GC: variants seen among roughly 807,000 people sequenced by gnomAD.
GC encodes vitamin D-binding protein.
In GC, 43 loss-of-function variants were observed where a neutral mutation model predicts 56.7. The ratio of observed to expected loss-of-function variants is 0.76; its 90% CI spans 0.59 to 0.98. The LOEUF (loss-of-function observed/expected upper bound fraction) is 0.98, where lower values mean the gene tolerates loss of function less well. Among genes scored for constraint, GC ranks in the 50% least tolerant of loss-of-function variants. The probability of loss-of-function intolerance (pLI) is 0.00; values close to 1 mark genes in which losing one functional copy is unlikely to be tolerated. For missense variants in GC, 529 were observed against 545.9 expected, an observed-to-expected ratio of 0.97 and a Z score of 0.31; for synonymous variants, 216 against 202.7, an observed-to-expected ratio of 1.07 and a Z score of -0.56.
upstream of GC, among the ~76,000 whole-genome samples, chr4:71,786,520 A>G (rs1227059096): frequency 6.6e-6 from 1 of 151,888 alleles, no homozygotes; most frequent in Non-Finnish European, 1.5e-5. Flanking sequence ...CATAAGCAGT[A>G]GAATTTTGCA....
chr4:71,789,272 T>A (rs1184401220), intron 1 of GC, among the ~76,000 whole-genome samples: 1 of 151,950 alleles, frequency 6.6e-6, no homozygotes, highest in Non-Finnish European at 1.5e-5. Flanking sequence ...TGTACATATA[T>A]ACATTTAGAT....
At chr4:71,764,068 A>C in intron 4 of GC, 132 bp from the exon 5 acceptor site, 1 of 661,050 alleles carries the variant, frequency 1.5e-6, no homozygotes, top group Non-Finnish European at 2.6e-6. Flanking sequence ...TGCAGTCTCA[A>C]CCTCCTGGCC....
intron 3 of GC, among the ~76,000 whole-genome samples, chr4:71,766,182 C>A (rs222011): frequency 0.091 from 13,795 of 152,180 alleles, 697 homozygotes; most frequent in Non-Finnish European, 0.1. Flanking sequence ...CCTAATGATT[C>A]TTGAACCGGC....
intron 1 of GC, among the ~76,000 whole-genome samples, chr4:71,777,158 T>C (rs1284558274): frequency 1.3e-5 from 2 of 151,846 alleles, no homozygotes; most frequent in Admixed American, 1.3e-4. Flanking sequence ...AGTGATGTGT[T>C]AGCAAGAATT....
intron 1 of GC, among the ~76,000 whole-genome samples, chr4:71,776,091 G>A (rs1742501154): frequency 1.3e-5 from 2 of 151,910 alleles, no homozygotes. Context: ...AAAACAGTAT[G>A]GATGTTTCTC....
At position 71,763,515 on chromosome 4, in the gene GC, T is replaced by G; in HGVS notation, c.607-13A>C. On this transcript the variant is annotated splice_polypyrimidine_tract_variant and intron_variant, in intron 5 of 12. Coordinates refer to ENST00000273951, the MANE Select transcript of GC (RefSeq NM_000583.4). ...TAAGCTGGAGTCTCTAGAAAACAAG[T>G]GAAAGAATCTCATTATATGGTCAAG... 6.9e-7 allele frequency: 1 copy of G among 1,452,144 alleles called. No individual in the cohort carries two copies. The highest frequency in any genetic ancestry group is 9.7e-7 in the Non-Finnish European group (1 of 1,034,422). The allele number at this position is 1,452,144 out of a possible 1,614,324, so 90.0% of individuals were successfully genotyped here.
chr4:71,784,088 G>A (rs1426047738), upstream of GC: 1 of 1,545,530 alleles, frequency 6.5e-7, no homozygotes, highest in Admixed American at 2.1e-5. Context: ...GTAGCCAAAA[G>A]TAATTGGTTT....
chr4:71,801,278 C>T (rs982850969), intron 1 of GC, among the ~76,000 whole-genome samples: 5 of 152,116 alleles, frequency 3.3e-5, no homozygotes, highest in Admixed American at 1.3e-4. Flanking sequence ...AATGAAATAT[C>T]GCTTTACACC....
chr4:71,784,137 A>G, upstream of GC: 3 of 1,429,842 alleles, frequency 2.1e-6, no homozygotes, highest in Non-Finnish European at 2.8e-6. Flanking sequence ...TTAATCAATT[A>G]TTAATCTCAG....
chr4:71,744,019 G>C (rs1198259949), intron 12 of GC, among the ~76,000 whole-genome samples: 1 of 152,130 alleles, frequency 6.6e-6, no homozygotes, highest in African/African-American at 2.4e-5. Flanking sequence ...CAGGAGAAAT[G>C]ATAAGAAATT....
chr4:71,779,142 A>G (rs1322225952), intron 1 of GC, among the ~76,000 whole-genome samples: 2 of 151,788 alleles, frequency 1.3e-5, no homozygotes, highest in Admixed American at 6.6e-5. Flanking sequence ...ATATTACACA[A>G]TAATTTTTTG....
chr4:71,763,099 T>C (rs1742037799), intron 6 of GC, among the ~76,000 whole-genome samples: 1 of 152,236 alleles, frequency 6.6e-6, no homozygotes, highest in Non-Finnish European at 1.5e-5. Flanking sequence ...GTTTTTGTTC[T>C]TGTTTTGCTT....
chr4:71,751,304 TAACA>T (rs1741547554), intron 11 of GC, among the ~76,000 whole-genome samples: 1 of 152,160 alleles, frequency 6.6e-6, no homozygotes, highest in Non-Finnish European at 1.5e-5. Flanking sequence ...TCAGGTCTAC[TAACA>T]ATGGGCCCAC....
At chr4:71,780,785 T>C (rs1208479133) in intron 1 of GC, among the ~76,000 whole-genome samples, 3 of 152,170 alleles carry the variant, frequency 2.0e-5, no homozygotes, top group Non-Finnish European at 4.4e-5. Flanking sequence ...ACACTGTTGG[T>C]GGGACTGTAA....
chr4:71,764,585 T>A (rs1319214888), intron 4 of GC, among the ~76,000 whole-genome samples: 2 of 152,164 alleles, frequency 1.3e-5, no homozygotes, highest in Non-Finnish European at 2.9e-5. Context: ...TAGATTAATT[T>A]TTCATTATCT....
chr4:71,761,624 G>A (rs960985118), intron 6 of GC, among the ~76,000 whole-genome samples: 1 of 152,156 alleles, frequency 6.6e-6, no homozygotes, highest in Non-Finnish European at 1.5e-5. Context: ...TGGAGACCTA[G>A]GAGGAAAAAG....
chr4:71,782,664 A>G (rs976835090), intron 1 of GC, among the ~76,000 whole-genome samples: 3 of 151,754 alleles, frequency 2.0e-5, no homozygotes, highest in Non-Finnish European at 4.4e-5. Context: ...GCAGTCTAAG[A>G]TGGTGATTCA....
At chr4:71,744,874 T>G (rs543691914) in intron 12 of GC, among the ~76,000 whole-genome samples, 1 of 152,342 alleles carries the variant, frequency 6.6e-6, no homozygotes, top group South Asian at 2.1e-4. Flanking sequence ...GAAACTATTT[T>G]AACTCTAGAA....
chr4:71,801,942 A>C (rs1263530396), intron 1 of GC, among the ~76,000 whole-genome samples: 1 of 150,284 alleles, frequency 6.7e-6, no homozygotes, highest in African/African-American at 2.5e-5. Context: ...TGCTTAGATT[A>C]AAAATTAGTA....
Sources: gnomAD v4.1 joint callset for allele counts (sites outside exome capture counted in the v4.1 genomes callset) on GRCh38, gnomAD v4.1.1 for gene constraint, MANE v1.5 for transcripts, NCBI Gene and HGNC (gene_info 2026-07-23, HGNC 2026-07-21) for gene names.